Variants in TENM2 observed in about 807,000 individuals in gnomAD.
The protein encoded by TENM2 is teneurin transmembrane protein 2, also known as teneurin-2.
TENM2 carries 52 observed loss-of-function variants against 245.2 expected under a neutral mutation model. That is an observed-to-expected ratio of 0.21 (90% CI 0.17 to 0.27). The LOEUF (loss-of-function observed/expected upper bound fraction) is 0.27, where lower values mean the gene tolerates loss of function less well. Ranked by LOEUF, TENM2 falls within the 10% of genes least tolerant of loss-of-function variation. TENM2 has a pLI of 1.00. For synonymous variants in TENM2, 1,363 were observed against 1,438.9 expected, an observed-to-expected ratio of 0.95 and a Z score of 1.19; for missense variants, 3,046 against 3,666.8, an observed-to-expected ratio of 0.83 and a Z score of 4.37.
At chr5:167,324,505 T>C (rs1756969320) in intron 1 of TENM2, among the ~76,000 whole-genome samples, 1 of 152,146 alleles carries the variant, frequency 6.6e-6, no homozygotes, top group African/African-American at 2.4e-5. Flanking sequence ...TGATGAAAGC[T>C]CTGTTTTGAT....
At chr5:167,182,606 C>G in the TENM2 span, among the ~76,000 whole-genome samples, 5 of 152,172 alleles carry the variant, frequency 3.3e-5, no homozygotes, top group South Asian at 1.0e-3. Flanking sequence ...TCCATAAATT[C>G]TGATTTTCCA....
chr5:167,452,448 G>C (rs902552897), intron 2 of TENM2, among the ~76,000 whole-genome samples: 1 of 152,148 alleles, frequency 6.6e-6, no homozygotes, highest in Non-Finnish European at 1.5e-5. Context: ...GGAAAGATGT[G>C]GGTTTCCCAG....
chr5:167,036,493 A>G, the TENM2 span, among the ~76,000 whole-genome samples: 2 of 152,250 alleles, frequency 1.3e-5, no homozygotes, highest in African/African-American at 4.8e-5. Flanking sequence ...TACAACAATT[A>G]TCACATTAAA....
At chr5:168,126,308 C>T (rs75551215) in intron 11 of TENM2, among the ~76,000 whole-genome samples, 1,721 of 152,192 alleles carry the variant, frequency 0.011, 24 homozygotes, top group African/African-American at 0.04. Flanking sequence ...GAGTCAGGAT[C>T]CGTACATGGA....
chr5:167,619,539 T>C (rs1046708990), intron 2 of TENM2, among the ~76,000 whole-genome samples: 5 of 152,152 alleles, frequency 3.3e-5, no homozygotes, highest in African/African-American at 9.7e-5. Flanking sequence ...ACCAGCTCTG[T>C]TCTTTTAAGA....
chr5:167,543,624 C>G (rs928055839), intron 2 of TENM2, among the ~76,000 whole-genome samples: 4 of 152,182 alleles, frequency 2.6e-5, no homozygotes, highest in Non-Finnish European at 5.9e-5. Flanking sequence ...AACTGGGTGT[C>G]TTAAAACAGT....
At chr5:167,924,856 C>T (rs1019793026) in intron 3 of TENM2, among the ~76,000 whole-genome samples, 1 of 152,188 alleles carries the variant, frequency 6.6e-6, no homozygotes, top group African/African-American at 2.4e-5. Flanking sequence ...TCATAAGCCC[C>T]AGAATGCCTA....
At chr5:167,138,890 T>G in the TENM2 span, among the ~76,000 whole-genome samples, 893 of 152,332 alleles carry the variant, frequency 5.9e-3, 11 homozygotes, top group African/African-American at 0.021. Context: ...CTCAAAGTGC[T>G]GGGATTACAG....
intron 5 of TENM2, among the ~76,000 whole-genome samples, chr5:168,001,626 C>A (rs1159333218): frequency 1.3e-5 from 2 of 152,212 alleles, no homozygotes; most frequent in Non-Finnish European, 1.5e-5. Flanking sequence ...ACAACAGAAA[C>A]CTAACCCAAA....
chr5:167,922,636 C>T (rs1344470488), intron 3 of TENM2, among the ~76,000 whole-genome samples: 2 of 152,202 alleles, frequency 1.3e-5, no homozygotes, highest in Non-Finnish European at 2.9e-5. Context: ...AAATCAGGCG[C>T]AGTCCTTGGT....
chr5:167,351,942 A>G (rs1271449741), intron 1 of TENM2, among the ~76,000 whole-genome samples: 1 of 152,170 alleles, frequency 6.6e-6, no homozygotes, highest in African/African-American at 2.4e-5. Context: ...TGAGGTCTTT[A>G]ATATCTCTCT....
chr5:167,443,730 A>G (rs1385644327), intron 2 of TENM2, among the ~76,000 whole-genome samples: 2 of 152,220 alleles, frequency 1.3e-5, no homozygotes, highest in African/African-American at 2.4e-5. Context: ...CACAGTAAAC[A>G]TTAATTTAAA....
chr5:167,780,372 C>T (rs138929151), intron 2 of TENM2, among the ~76,000 whole-genome samples: 158 of 152,310 alleles, frequency 1.0e-3, no homozygotes, highest in African/African-American at 3.6e-3. Context: ...CGTGCACAGT[C>T]CCAGCTGGAG....
intron 7 of TENM2, among the ~76,000 whole-genome samples, chr5:168,070,425 A>G (rs1403118414): frequency 6.6e-6 from 1 of 152,140 alleles, no homozygotes; most frequent in African/African-American, 2.4e-5. Flanking sequence ...AGATCCTACC[A>G]TATAAATCAA....
chr5:167,751,159 G>A (rs948261975), intron 2 of TENM2, among the ~76,000 whole-genome samples: 3 of 152,088 alleles, frequency 2.0e-5, no homozygotes, highest in Non-Finnish European at 4.4e-5. Flanking sequence ...TAGGAACTGG[G>A]CAAGGACCAG....
chr5:168,011,954 G>A (rs1785250070), intron 5 of TENM2, among the ~76,000 whole-genome samples: 1 of 152,178 alleles, frequency 6.6e-6, no homozygotes, highest in South Asian at 2.1e-4. Flanking sequence ...GTTCAGAGAG[G>A]CCAAATAACT....
intron 5 of TENM2, among the ~76,000 whole-genome samples, chr5:168,036,012 G>A (rs543345833): frequency 6.6e-6 from 1 of 152,258 alleles, no homozygotes; most frequent in Admixed American, 6.5e-5. Flanking sequence ...TTCCAAACGT[G>A]CCTATCTTTC....
At chr5:168,239,052 G>T (rs1765858317) in intron 25 of TENM2, among the ~76,000 whole-genome samples, 1 of 152,148 alleles carries the variant, frequency 6.6e-6, no homozygotes, top group Non-Finnish European at 1.5e-5. Context: ...TGCTAGCTGG[G>T]TAATTTAATT....
In TENM2 at chr5:168,012,445, C is replaced by T. The variant is rs539279199; in HGVS notation, c.1186+19263C>T. On this transcript the variant is annotated intron_variant, in intron 5 of 28. Transcript: ENST00000518659. ...CTTGCTTGAGCCCAGGCATTTGAGA[C>T]CAGCCTGGGCAACATAATGAGACCC... Among the ~76,000 whole-genome samples the T allele has an allele frequency of 1.2e-4, 18 of 152,014 alleles. 1 individual carries two copies. The South Asian group carries it at 3.7e-3, about 32-fold the overall frequency.
Sources: gnomAD v4.1 joint callset for allele counts (sites outside exome capture counted in the v4.1 genomes callset) on GRCh38, gnomAD v4.1.1 for gene constraint, MANE v1.5 for transcripts, NCBI Gene and HGNC (gene_info 2026-07-23, HGNC 2026-07-21) for gene names.